LIMD1: variants seen among roughly 807,000 people sequenced by gnomAD.
The protein encoded by LIMD1 is LIM domain-containing protein 1.
LIMD1 carries 23 observed loss-of-function variants against 58.4 expected under a neutral mutation model. The observed-to-expected ratio is 0.39, with a 90% CI of 0.28 to 0.56. The LOEUF (loss-of-function observed/expected upper bound fraction) is 0.56, where lower values mean the gene tolerates loss of function less well. Ranked by LOEUF, LIMD1 falls within the 20% of genes least tolerant of loss-of-function variation. LIMD1 has a pLI of 0.57. For missense variants in LIMD1, 838 were observed against 855.5 expected, an observed-to-expected ratio of 0.98 and a Z score of 0.25; for synonymous variants, 334 against 345.5, an observed-to-expected ratio of 0.97 and a Z score of 0.37.
At position 45,677,193 on chromosome 3, in the gene LIMD1, G is replaced by T; in HGVS notation, c.*134G>T. 2 of 974,120 alleles carry T rather than the reference G, an allele frequency of 2.1e-6. No individual in the cohort carries two copies. The highest frequency in any genetic ancestry group is 3.0e-6 in the Non-Finnish European group (2 of 657,920). 60.3% of individuals were successfully genotyped at this position (974,120 alleles called of 1,614,324 possible). ...AGGGAGAGTTCCTGTGAGCATGTGG[G>T]GGGTGCCTTTCCTTTAACCAGGGAG... On this transcript the variant is annotated 3_prime_UTR_variant, in exon 8 of 8. Coordinates refer to ENST00000273317, the MANE Select transcript of LIMD1 (RefSeq NM_014240.3).
chr3:45,607,865 G>C (rs1389649204), intron 1 of LIMD1, among the ~76,000 whole-genome samples: 1 of 152,224 alleles, frequency 6.6e-6, no homozygotes, highest in African/African-American at 2.4e-5. Flanking sequence ...CAGCCGAGTT[G>C]ATGGATTTCC....
chr3:45,609,987 A>T (rs1701508218), intron 1 of LIMD1, among the ~76,000 whole-genome samples: 1 of 152,124 alleles, frequency 6.6e-6, no homozygotes, highest in African/African-American at 2.4e-5. Flanking sequence ...AGGTCAGGAG[A>T]TCGAGACCAG....
chr3:45,672,961 G>A, intron 5 of LIMD1, 141 bp downstream of exon 5: 2 of 923,250 alleles, frequency 2.2e-6, no homozygotes, highest in Non-Finnish European at 3.3e-6. Context: ...GTTTTGAGGG[G>A]TACAGCAGGG....
At chr3:45,623,355 G>A (rs78838962) in intron 1 of LIMD1, among the ~76,000 whole-genome samples, 8,145 of 152,202 alleles carry the variant, frequency 0.054, 702 homozygotes, top group African/African-American at 0.18. Context: ...TAGGAGTTGG[G>A]GGTGGGGTGC....
intron 2 of LIMD1, among the ~76,000 whole-genome samples, chr3:45,649,758 T>TATTTA (rs1701945940): frequency 6.8e-6 from 1 of 146,126 alleles, no homozygotes; most frequent in African/African-American, 2.5e-5. Context: ...AATTATATAT[T>TATTTA]TTATATATAT....
At chr3:45,649,740 T>TTA (rs1217899847) in intron 2 of LIMD1, among the ~76,000 whole-genome samples, 1 of 145,776 alleles carries the variant, frequency 6.9e-6, no homozygotes, top group African/African-American at 2.5e-5. Flanking sequence ...ATAGATATAT[T>TTA]TATATATAAT....
chr3:45,642,947 AC>A (rs2125660649), intron 2 of LIMD1, among the ~76,000 whole-genome samples: 1 of 152,132 alleles, frequency 6.6e-6, no homozygotes, highest in East Asian at 1.9e-4. Flanking sequence ...GGCTCTGCCC[AC>A]CCCAGGCGGC....
chr3:45,649,506 C>G (rs1052706482), intron 2 of LIMD1, among the ~76,000 whole-genome samples: 3 of 150,878 alleles, frequency 2.0e-5, no homozygotes, highest in Non-Finnish European at 4.4e-5. Context: ...ATGGTGAAAC[C>G]CCGTCTCTAC....
At chr3:45,635,788 G>C in intron 1 of LIMD1, 1 of 404,424 alleles carries the variant, frequency 2.5e-6, no homozygotes, top group Non-Finnish European at 3.3e-6. Context: ...TTCCCAACCT[G>C]CATGCTTGGC....
At chr3:45,667,900 C>A (rs578116483) in intron 3 of LIMD1, among the ~76,000 whole-genome samples, 2 of 152,112 alleles carry the variant, frequency 1.3e-5, no homozygotes. Context: ...CCAGAACCCA[C>A]CCCCTGAGTT....
chr3:45,680,000 G>C lies in LIMD1; in HGVS notation c.*2941G>C, dbSNP rs1022219361. The C allele has an allele frequency of 8.5e-5, 13 of 152,158 alleles. No individual in the cohort carries two copies. The highest frequency in any genetic ancestry group is 3.1e-4 in the African/African-American group (13 of 41,426). The allele number at this position is 152,158 out of a possible 1,614,324, so 9.4% of individuals were successfully genotyped here. A position where few individuals can be genotyped will look rare whatever the true frequency, so the allele number is the denominator to read the frequency against. On this transcript the variant is annotated 3_prime_UTR_variant, in exon 8 of 8. Transcript: ENST00000273317. ...CTCTGAGGTTCTGCTGTTGAGTCCT[G>C]GGTGGCTGATGGAATGATTGAGGAG...
At chr3:45,619,289 G>A (rs1701607737) in intron 1 of LIMD1, among the ~76,000 whole-genome samples, 1 of 152,118 alleles carries the variant, frequency 6.6e-6, no homozygotes, top group South Asian at 2.1e-4. Context: ...GATTATAGAT[G>A]TGAGCCACTG....
In LIMD1 at chr3:45,594,814, C is replaced by CACACACACGGCACCTGG. The variant is rs1701321661; in HGVS notation, c.-58_-57insGGCACCTGGACACACAC. On this transcript the variant is annotated 5_prime_UTR_variant, in exon 1 of 8. Transcript: ENST00000273317. The stretch of plus-strand genomic sequence containing the variant: ...ACACACACACACACACACACACACA[C>CACACACACGGCACCTGG]ACACACACACACACACACACACACA... 1 of 838,996 alleles carries CACACACACGGCACCTGG rather than the reference C, an allele frequency of 1.2e-6. No homozygotes were observed. The highest frequency in any genetic ancestry group is 1.7e-5 in the African/African-American group (1 of 58,842). 52.0% of individuals were successfully genotyped at this position (838,996 alleles called of 1,614,324 possible).
intron 1 of LIMD1, among the ~76,000 whole-genome samples, chr3:45,612,382 C>A (rs531722781): frequency 7.9e-4 from 121 of 152,254 alleles, no homozygotes; most frequent in South Asian, 4.1e-3. Flanking sequence ...CTGTGCCAGG[C>A]CTTTTGCAGG....
In LIMD1 at chr3:45,683,820, C is replaced by T. The variant is rs1279097536; in HGVS notation, c.*6761C>T. Reference sequence around the variant, plus strand: ...CTTTTGTTGCTTCATTCTTTACTTGCTTTGTGCGTTTTGTCCATTTCTTTA... The same window carrying T: ...CTTTTGTTGCTTCATTCTTTACTTGTTTTGTGCGTTTTGTCCATTTCTTTA... On this transcript the variant is annotated 3_prime_UTR_variant, in exon 8 of 8. Coordinates refer to ENST00000273317, the MANE Select transcript of LIMD1 (RefSeq NM_014240.3). 1.3e-5 allele frequency: 2 copies of T among 152,184 alleles called. No homozygotes were observed. Among genetic ancestry groups the T allele is most frequent in the Non-Finnish European group, 2.9e-5 (2 of 68,032 alleles). The allele number at this position is 152,184 out of a possible 1,614,324, so 9.4% of individuals were successfully genotyped here. A position where few individuals can be genotyped will look rare whatever the true frequency, so the allele number is the denominator to read the frequency against.
intron 4 of LIMD1, among the ~76,000 whole-genome samples, chr3:45,670,222 TC>T (rs1697572200): frequency 6.6e-6 from 1 of 152,178 alleles, no homozygotes; most frequent in African/African-American, 2.4e-5. Context: ...CAAACCTACT[TC>T]ATATGAAGTC....
intron 1 of LIMD1, among the ~76,000 whole-genome samples, chr3:45,631,151 C>T (rs1488026784): frequency 6.6e-6 from 1 of 152,024 alleles, no homozygotes; most frequent in Non-Finnish European, 1.5e-5. Context: ...TTACAGGTAG[C>T]CGAGATCGCA....
intron 1 of LIMD1, among the ~76,000 whole-genome samples, chr3:45,618,439 G>C (rs1361917115): frequency 6.6e-6 from 1 of 152,170 alleles, no homozygotes; most frequent in Non-Finnish European, 1.5e-5. Flanking sequence ...GCGTGGGGCA[G>C]GGAAGGAGAG....
At chr3:45,672,956 G>C (rs1253617315) in intron 5 of LIMD1, 136 bp downstream of exon 5, 1 of 1,020,814 alleles carries the variant, frequency 9.8e-7, no homozygotes, top group Non-Finnish European at 1.5e-6. Flanking sequence ...TAATGGTTTT[G>C]AGGGGTACAG....
Sources: gnomAD v4.1 joint callset for allele counts (sites outside exome capture counted in the v4.1 genomes callset) on GRCh38, gnomAD v4.1.1 for gene constraint, MANE v1.5 for transcripts, NCBI Gene and HGNC (gene_info 2026-07-23, HGNC 2026-07-21) for gene names.